LRBA: variants seen among roughly 807,000 people sequenced by gnomAD.
The protein encoded by LRBA is LPS responsive beige-like anchor protein.
A neutral mutation model predicts 330.0 loss-of-function variants in LRBA; 176 were observed. The ratio of observed to expected loss-of-function variants is 0.53; its 90% CI spans 0.47 to 0.60. The LOEUF (loss-of-function observed/expected upper bound fraction) is 0.60, where lower values mean the gene tolerates loss of function less well. Ranked by LOEUF, LRBA falls within the 20% of genes least tolerant of loss-of-function variation. The pLI, the probability that LRBA is intolerant of heterozygous loss-of-function variation, is 0.00. For missense variants in LRBA, 3,259 were observed against 3,444.8 expected, an observed-to-expected ratio of 0.95 and a Z score of 1.35; for synonymous variants, 1,230 against 1,193.0, an observed-to-expected ratio of 1.03 and a Z score of -0.64.
At chr4:150,832,252 G>T (rs899244418) in intron 28 of LRBA, among the ~76,000 whole-genome samples, 8 of 152,174 alleles carry the variant, frequency 5.3e-5, no homozygotes, top group African/African-American at 1.9e-4. Flanking sequence ...ATCTAAAGAC[G>T]TATGTCCTAA....
chr4:150,559,268 A>C (rs1232086700), intron 40 of LRBA, among the ~76,000 whole-genome samples: 1 of 152,038 alleles, frequency 6.6e-6, no homozygotes, highest in Admixed American at 6.6e-5. Context: ...ATCTACTAGA[A>C]GTTAAAAATA....
intron 40 of LRBA, among the ~76,000 whole-genome samples, chr4:150,562,153 T>C (rs773442563): frequency 1.3e-5 from 2 of 152,174 alleles, no homozygotes; most frequent in Non-Finnish European, 2.9e-5. Context: ...AGCAGAAGAC[T>C]GTCCTTAAAT....
At chr4:150,428,905 A>T (rs1487683060) in intron 46 of LRBA, among the ~76,000 whole-genome samples, 1 of 152,114 alleles carries the variant, frequency 6.6e-6, no homozygotes, top group Non-Finnish European at 1.5e-5. Flanking sequence ...AGCTTTGTTC[A>T]TGTCACTTCC....
At chr4:150,348,051 G>A (rs1736636826) in intron 48 of LRBA, among the ~76,000 whole-genome samples, 1 of 152,112 alleles carries the variant, frequency 6.6e-6, no homozygotes, top group African/African-American at 2.4e-5. Flanking sequence ...AACTACATAT[G>A]GTTCATGGTT....
chr4:150,749,658 A>T (rs1012043746), intron 35 of LRBA, among the ~76,000 whole-genome samples: 1 of 152,120 alleles, frequency 6.6e-6, no homozygotes, highest in African/African-American at 2.4e-5. Flanking sequence ...GCTACTCAGG[A>T]GGCTGAGGTG....
intron 33 of LRBA, among the ~76,000 whole-genome samples, chr4:150,804,921 C>T (rs1180904345): frequency 6.6e-6 from 1 of 151,942 alleles, no homozygotes; most frequent in Admixed American, 6.6e-5. Flanking sequence ...CTCCAGCCTA[C>T]ACAACAAAGC....
chr4:150,463,466 T>C (rs765355737), intron 44 of LRBA, among the ~76,000 whole-genome samples: 13 of 152,080 alleles, frequency 8.5e-5, no homozygotes, highest in Non-Finnish European at 1.8e-4. Context: ...ACATTTCTTA[T>C]GTCTTTGTTT....
At chr4:150,337,031 T>A (rs1734842451) in intron 48 of LRBA, among the ~76,000 whole-genome samples, 2 of 152,180 alleles carry the variant, frequency 1.3e-5, no homozygotes, top group African/African-American at 2.4e-5. Flanking sequence ...TCAAAGAGGT[T>A]GCCAATGCTA....
chr4:150,640,698 C>CT (rs1778593717), intron 37 of LRBA, among the ~76,000 whole-genome samples: 1 of 152,124 alleles, frequency 6.6e-6, no homozygotes, highest in Non-Finnish European at 1.5e-5. Flanking sequence ...TATCTCTGGT[C>CT]TAGTGTCTTT....
intron 40 of LRBA, among the ~76,000 whole-genome samples, chr4:150,505,915 A>C (rs1308839034): frequency 1.3e-5 from 2 of 152,218 alleles, no homozygotes; most frequent in Admixed American, 6.5e-5. Context: ...ATCCCACAGA[A>C]ATACAAACTA....
At chr4:150,395,911 T>C (rs1384923415) in intron 47 of LRBA, among the ~76,000 whole-genome samples, 1 of 152,216 alleles carries the variant, frequency 6.6e-6, no homozygotes, top group Non-Finnish European at 1.5e-5. Context: ...AGTATTCTAC[T>C]GGTAATTGAT....
chr4:150,273,979 T>A (rs1746452143), intron 56 of LRBA, among the ~76,000 whole-genome samples: 1 of 152,044 alleles, frequency 6.6e-6, no homozygotes, highest in South Asian at 2.1e-4. Flanking sequence ...TCTACAGAAA[T>A]CTCCACCCCA....
chr4:150,506,082 T>A (rs1761033620), intron 40 of LRBA, among the ~76,000 whole-genome samples: 1 of 152,198 alleles, frequency 6.6e-6, no homozygotes, highest in African/African-American at 2.4e-5. Flanking sequence ...GAGGCAATAA[T>A]TAATAGCTTA....
intron 4 of LRBA, 54 bp downstream of exon 4, chr4:150,928,462 T>C: frequency 9.7e-7 from 1 of 1,029,484 alleles, no homozygotes; most frequent in Non-Finnish European, 1.5e-6. Flanking sequence ...AAGCTACGAA[T>C]GTGTTTGGGA....
intron 34 of LRBA, among the ~76,000 whole-genome samples, chr4:150,768,113 A>C (rs1736034413): frequency 6.7e-6 from 1 of 149,012 alleles, no homozygotes; most frequent in Non-Finnish European, 1.5e-5. Context: ...GTAGATAATG[A>C]GTGACTTCAG....
intron 2 of LRBA, among the ~76,000 whole-genome samples, chr4:150,974,541 C>G (rs1415812793): frequency 1.3e-5 from 2 of 152,120 alleles, no homozygotes; most frequent in Non-Finnish European, 2.9e-5. Flanking sequence ...TTTAGTTGTA[C>G]AACTAAACAA....
At chr4:150,445,373 CTCTCTATATATATATATA>C (rs1429493829) in intron 44 of LRBA, among the ~76,000 whole-genome samples, 7 of 83,980 alleles carry the variant, frequency 8.3e-5, no homozygotes, top group African/African-American at 3.2e-4. Flanking sequence ...CTCTCTCTCT[CTCTCTATATATATATATA>C]TATATATATA....
rs1373173694 is a variant in LRBA at position 150,855,557 on chromosome 4, T to A, written c.2767-2614A>T. ...TTTATATGTACAGGTTAAGAAACAATTTTTTTTAATCTCACATGCCTACCA... is the reference window on the plus strand; with the variant it reads ...TTTATATGTACAGGTTAAGAAACAAATTTTTTTAATCTCACATGCCTACCA... On this transcript the variant is annotated intron_variant, in intron 22 of 56. Transcript: ENST00000651943. Among the ~76,000 whole-genome samples, 3 of 151,138 alleles carry A rather than the reference T, an allele frequency of 2.0e-5. No homozygotes were observed. The Admixed American group carries it at 2.0e-4, about 10-fold the overall frequency.
intron 2 of LRBA, among the ~76,000 whole-genome samples, chr4:151,002,152 C>T (rs1743422512): frequency 8.6e-6 from 1 of 116,112 alleles, no homozygotes; most frequent in East Asian, 2.5e-4. Flanking sequence ...ATTACTACAC[C>T]AGAGGAAAGA....
Sources: allele counts gnomAD v4.1 joint callset (sites outside exome capture counted in the v4.1 genomes callset), GRCh38; gene constraint gnomAD v4.1.1; transcripts MANE v1.5; gene names NCBI Gene and HGNC (gene_info 2026-07-23, HGNC 2026-07-21).